Variants in LGSN observed in about 807,000 individuals in gnomAD.
The protein encoded by LGSN is lengsin, lens protein with glutamine synthetase domain.
Under a neutral mutation model 19.5 loss-of-function variants are expected in LGSN, and 21 were observed. The observed-to-expected ratio is 1.07, with a 90% confidence interval of 0.76 to 1.55. The LOEUF (loss-of-function observed/expected upper bound fraction) is 1.55. Ranked by LOEUF, LGSN falls within the 40% of genes most tolerant of loss-of-function variation. LGSN has a pLI of 0.00. For synonymous variants in LGSN, 257 were observed against 215.6 expected, an observed-to-expected ratio of 1.19 and a Z score of -1.68; for missense variants, 673 against 608.5, an observed-to-expected ratio of 1.11 and a Z score of -1.12.
At chr6:63,316,351 T>C (rs1242904246) in intron 1 of LGSN, among the ~76,000 whole-genome samples, 1 of 152,152 alleles carries the variant, frequency 6.6e-6, no homozygotes, top group East Asian at 1.9e-4. Context: ...TGGCTAATAG[T>C]CAACAGTGTG....
chr6:63,569,186 C>T, the LGSN span, among the ~76,000 whole-genome samples: 72 of 152,334 alleles, frequency 4.7e-4, no homozygotes, highest in African/African-American at 1.4e-3. Context: ...TGTTCTTCTT[C>T]ATCAAGATTT....
the LGSN span, among the ~76,000 whole-genome samples, chr6:63,419,964 G>C: frequency 8.3e-5 from 12 of 145,070 alleles, no homozygotes; most frequent in Non-Finnish European, 1.3e-4. Flanking sequence ...CCAGCACTTT[G>C]GGAGGCTGAG....
the LGSN span, among the ~76,000 whole-genome samples, chr6:63,488,488 C>T: frequency 2.0e-5 from 3 of 152,110 alleles, no homozygotes; most frequent in Non-Finnish European, 4.4e-5. Flanking sequence ...TTCCTGCCTT[C>T]CTTTCAGCCT....
the LGSN span, among the ~76,000 whole-genome samples, chr6:63,562,987 G>A: frequency 6.6e-5 from 10 of 152,104 alleles, no homozygotes; most frequent in African/African-American, 2.4e-4. Flanking sequence ...AATTTTTAGA[G>A]GCAGTGTGGC....
At chr6:63,368,372 C>G in the LGSN span, among the ~76,000 whole-genome samples, 33 of 152,138 alleles carry the variant, frequency 2.2e-4, no homozygotes, top group Non-Finnish European at 2.9e-5. Flanking sequence ...TTCAAAATCC[C>G]TGACCTAACC....
chr6:63,435,887 T>C, the LGSN span, among the ~76,000 whole-genome samples: 1 of 146,794 alleles, frequency 6.8e-6, no homozygotes, highest in African/African-American at 2.5e-5. Flanking sequence ...TAGTATAAAG[T>C]ATTTGAGTCA....
the LGSN span, among the ~76,000 whole-genome samples, chr6:63,331,134 G>C: frequency 6.6e-6 from 1 of 152,136 alleles, no homozygotes; most frequent in East Asian, 1.9e-4. Flanking sequence ...GGGCAGGGGA[G>C]ATTAGAGGAG....
the LGSN span, among the ~76,000 whole-genome samples, chr6:63,486,345 T>C: frequency 6.6e-6 from 1 of 152,270 alleles, no homozygotes; most frequent in African/African-American, 2.4e-5. Context: ...ACATCCTACC[T>C]GTCAAGCAGC....
chr6:63,533,789 A>T, the LGSN span, among the ~76,000 whole-genome samples: 2 of 152,220 alleles, frequency 1.3e-5, no homozygotes, highest in Admixed American at 6.5e-5. Context: ...GATTTTTTTT[A>T]AAGTTACACA....
chr6:63,392,666 G>C, the LGSN span: 1 of 152,122 alleles, frequency 6.6e-6, no homozygotes, highest in Non-Finnish European at 1.5e-5. Context: ...ACTCCATCTT[G>C]AATAGGGGCT....
the LGSN span, among the ~76,000 whole-genome samples, chr6:63,471,537 G>A: frequency 1.3e-4 from 19 of 151,804 alleles, no homozygotes; most frequent in East Asian, 2.9e-3. Flanking sequence ...ATGGTGGCAG[G>A]TGCCTGTAAT....
At chr6:63,506,253 G>GTGT in the LGSN span, among the ~76,000 whole-genome samples, 79 of 44,452 alleles carry the variant, frequency 1.8e-3, no homozygotes, top group Middle Eastern at 0.011. Flanking sequence ...GGTGGTGGTG[G>GTGT]TGTTGTTGTT....
chr6:63,459,284 G>C, the LGSN span, among the ~76,000 whole-genome samples: 1 of 152,130 alleles, frequency 6.6e-6, no homozygotes, highest in Non-Finnish European at 1.5e-5. Context: ...TTCTGTCTAT[G>C]AACTAGGAGA....
At chr6:63,474,440 C>A in the LGSN span, among the ~76,000 whole-genome samples, 1 of 151,766 alleles carries the variant, frequency 6.6e-6, no homozygotes, top group Non-Finnish European at 1.5e-5. Context: ...AACCCCGTCT[C>A]TACTAAAAAT....
the LGSN span, among the ~76,000 whole-genome samples, chr6:63,356,720 T>A: frequency 6.6e-6 from 1 of 151,990 alleles, no homozygotes; most frequent in African/African-American, 2.4e-5. Flanking sequence ...AGAAGAGATA[T>A]CTTCTCCTGA....
chr6:63,358,502 T>C, the LGSN span, among the ~76,000 whole-genome samples: 1 of 152,160 alleles, frequency 6.6e-6, no homozygotes, highest in South Asian at 2.1e-4. Flanking sequence ...TCCTCTTTTA[T>C]GTCATTGAGC....
At chr6:63,438,955 A>G in the LGSN span, among the ~76,000 whole-genome samples, 1 of 152,256 alleles carries the variant, frequency 6.6e-6, no homozygotes, top group African/African-American at 2.4e-5. Flanking sequence ...GGACCAACAC[A>G]AATGTCCAAC....
chr6:63,389,049 G>T, the LGSN span, among the ~76,000 whole-genome samples: 2 of 152,132 alleles, frequency 1.3e-5, no homozygotes, highest in African/African-American at 4.8e-5. Flanking sequence ...GGGAAAAGAA[G>T]AAAAGAGCTA....
At chr6:63,443,807 T>C in the LGSN span, among the ~76,000 whole-genome samples, 1 of 152,010 alleles carries the variant, frequency 6.6e-6, no homozygotes, top group East Asian at 1.9e-4. Flanking sequence ...GTTACCTGCA[T>C]GCCTAAAGGA....
Sources: gnomAD v4.1 joint callset for allele counts (sites outside exome capture counted in the v4.1 genomes callset) on GRCh38, gnomAD v4.1.1 for gene constraint, MANE v1.5 for transcripts, NCBI Gene and HGNC (gene_info 2026-07-23, HGNC 2026-07-21) for gene names.